Variants in COL25A1 observed in about 807,000 individuals in gnomAD.
COL25A1 encodes the protein collagen alpha-1(XXV) chain.
In COL25A1, 103 loss-of-function variants were observed where a neutral mutation model predicts 128.4. The ratio of observed to expected loss-of-function variants is 0.80; its 90% CI spans 0.68 to 0.94. The LOEUF is 0.94. Ranked by LOEUF, COL25A1 falls within the 40% of genes least tolerant of loss-of-function variation. The pLI, the probability that COL25A1 is intolerant of heterozygous loss-of-function variation, is 0.00. For missense variants in COL25A1, 745 were observed against 840.0 expected (o/e 0.89, Z 1.40); for synonymous variants, 279 against 277.2 (o/e 1.01, Z -0.06).
chr4:109,134,450 T>C (rs1383929468), intron 3 of COL25A1, among the ~76,000 whole-genome samples: 1 of 152,194 alleles, frequency 6.6e-6, no homozygotes. Context: ...ATTAGAACCA[T>C]GTGGGAGCCT....
intron 3 of COL25A1, among the ~76,000 whole-genome samples, chr4:109,248,951 T>A (rs1418379010): frequency 2.0e-5 from 3 of 152,208 alleles, no homozygotes; most frequent in Non-Finnish European, 4.4e-5. Context: ...TGGCATACAA[T>A]TAACTCCATG....
At chr4:109,301,578 T>C (rs1725531321) in intron 2 of COL25A1, 145 bp downstream of exon 2, 10 of 819,782 alleles carry the variant, frequency 1.2e-5, no homozygotes, top group African/African-American at 1.7e-5. Context: ...ACAGTGAGCA[T>C]AGATCCTTGG....
At chr4:108,891,711 GTT>G (rs1203179628) in intron 16 of COL25A1, among the ~76,000 whole-genome samples, 2 of 144,190 alleles carry the variant, frequency 1.4e-5, no homozygotes. Context: ...CGTGTTTTAG[GTT>G]TTTTTTTTTT....
chr4:108,965,740 T>A (rs887837978), intron 8 of COL25A1, among the ~76,000 whole-genome samples: 7 of 152,136 alleles, frequency 4.6e-5, no homozygotes, highest in African/African-American at 1.4e-4. Context: ...TGGGTGTAGA[T>A]GACAACGGGA....
At chr4:108,838,572 G>GA (rs1415213007) in intron 31 of COL25A1, among the ~76,000 whole-genome samples, 1 of 152,192 alleles carries the variant, frequency 6.6e-6, no homozygotes, top group Non-Finnish European at 1.5e-5. Context: ...TGGAAAACTG[G>GA]AATATGCAGG....
chr4:108,891,216 A>G (rs1437191647), intron 16 of COL25A1, among the ~76,000 whole-genome samples: 1 of 152,218 alleles, frequency 6.6e-6, no homozygotes, highest in African/African-American at 2.4e-5. Context: ...GGGGAAAAAA[A>G]CGCTTATGAA....
chr4:108,818,851 A>G (rs7665536), intron 36 of COL25A1, among the ~76,000 whole-genome samples: 75,048 of 151,206 alleles, frequency 0.5, 19,414 homozygotes, highest in Middle Eastern at 0.64. Flanking sequence ...CGAAAAAGGC[A>G]GAAATACCTT....
intron 13 of COL25A1, among the ~76,000 whole-genome samples, chr4:108,903,390 A>G (rs564019290): frequency 6.6e-6 from 1 of 152,082 alleles, no homozygotes; most frequent in South Asian, 2.1e-4. Context: ...TGATTTTTTA[A>G]ATCTTTATAC....
intron 3 of COL25A1, among the ~76,000 whole-genome samples, chr4:109,256,960 C>G (rs533251369): frequency 6.6e-6 from 1 of 152,310 alleles, no homozygotes; most frequent in Admixed American, 6.5e-5. Context: ...ACCACACTGA[C>G]AAGTTCCCCT....
Position 108,918,161 on chromosome 4 carries a change from A to G in COL25A1, c.780+11T>C. The G allele has an allele frequency of 6.4e-7, 1 of 1,568,550 alleles. No homozygotes were observed. Among genetic ancestry groups the G allele is most frequent in the Non-Finnish European group, 8.7e-7 (1 of 1,145,574 alleles). On this transcript the variant is annotated intron_variant, in intron 13 of 37. Transcript: ENST00000399132. The stretch of plus-strand genomic sequence containing the variant: ...AATTATTTTTAAAATACAATATTCT[A>G]TAGAACTCACCTTTTGCCCATTCAT...
chr4:108,981,898 G>A (rs534709244), intron 6 of COL25A1, among the ~76,000 whole-genome samples: 3 of 152,176 alleles, frequency 2.0e-5, no homozygotes, highest in East Asian at 1.9e-4. Flanking sequence ...CTTGACTTGA[G>A]GATAAAGAAA....
intron 5 of COL25A1, among the ~76,000 whole-genome samples, chr4:109,013,841 A>G (rs4085275): frequency 0.51 from 77,638 of 152,012 alleles, 22,565 homozygotes; most frequent in African/African-American, 0.78. Flanking sequence ...AACACTCACC[A>G]TGAGAATCCG....
At chr4:108,962,384 T>C (rs925402007) in intron 8 of COL25A1, among the ~76,000 whole-genome samples, 1 of 152,096 alleles carries the variant, frequency 6.6e-6, no homozygotes, top group Non-Finnish European at 1.5e-5. Context: ...TTTCACCACG[T>C]TGGCTAGGAT....
At chr4:108,945,925 A>G (rs976121682) in intron 8 of COL25A1, among the ~76,000 whole-genome samples, 23 of 152,184 alleles carry the variant, frequency 1.5e-4, no homozygotes, top group African/African-American at 5.1e-4. Context: ...TCAGCCTCCC[A>G]AAGTGCTGGG....
At chr4:109,262,928 G>A (rs1178847128) in intron 3 of COL25A1, among the ~76,000 whole-genome samples, 4 of 152,070 alleles carry the variant, frequency 2.6e-5, no homozygotes, top group South Asian at 2.1e-4. Context: ...TCAGGAGCTC[G>A]AGAGCAGCCT....
At position 109,302,014 on chromosome 4, in the gene COL25A1, C is replaced by T; in HGVS notation, c.6G>A (p.Leu2=). 1 of 1,587,936 alleles carries T rather than the reference C, an allele frequency of 6.3e-7. No individual in the cohort carries two copies. The highest frequency in any genetic ancestry group is 8.6e-7 in the Non-Finnish European group (1 of 1,168,706). Residue 2 remains leucine (L), a synonymous_variant, in exon 2 of 38, where the codon CTG becomes CTA. Coordinates refer to ENST00000399132, the MANE Select transcript of COL25A1 (RefSeq NM_198721.4). M[L]LKKHAGKGGG... ...CTCCTTTCCCTGCGTGCTTCTTCAG[C>T]AGCATCGTGGCGGGGTCGGCCGTCT... is the stretch of plus-strand genomic sequence containing the variant.
At chr4:109,287,847 G>C (rs1203665122) in intron 3 of COL25A1, among the ~76,000 whole-genome samples, 1 of 152,146 alleles carries the variant, frequency 6.6e-6, no homozygotes, top group Non-Finnish European at 1.5e-5. Flanking sequence ...TGATAAAGTG[G>C]GTTGCATGTG....
At chr4:109,012,030 T>C (rs375749707) in intron 5 of COL25A1, among the ~76,000 whole-genome samples, 2 of 152,046 alleles carry the variant, frequency 1.3e-5, no homozygotes, top group East Asian at 1.9e-4. Context: ...TTTGTTCATT[T>C]GTTATAGGGT....
intron 6 of COL25A1, among the ~76,000 whole-genome samples, chr4:108,987,893 C>T (rs1753807580): frequency 6.6e-6 from 1 of 152,196 alleles, no homozygotes; most frequent in Admixed American, 6.5e-5. Context: ...ACCAGACTAT[C>T]CTTTGAATAT....
Sources: gnomAD v4.1 joint callset for allele counts (sites outside exome capture counted in the v4.1 genomes callset) on GRCh38, gnomAD v4.1.1 for gene constraint, MANE v1.5 for transcripts, NCBI Gene and HGNC (gene_info 2026-07-23, HGNC 2026-07-21) for gene names.